The following ZBTB20 variants were observed in gnomAD, a reference collection of about 807,000 sequenced individuals.
ZBTB20 encodes the protein zinc finger and BTB domain containing 20.
A neutral mutation model predicts 56.9 loss-of-function variants in ZBTB20; 9 were observed. The ratio of observed to expected loss-of-function variants is 0.16; its 90% CI spans 0.10 to 0.28. ZBTB20 has a LOEUF of 0.28. Ranked by LOEUF, ZBTB20 falls within the 10% of genes least tolerant of loss-of-function variation. The probability of loss-of-function intolerance (pLI) is 1.00; values close to 1 mark genes in which losing one functional copy is unlikely to be tolerated. For synonymous variants in ZBTB20, 417 were observed against 420.7 expected (o/e 0.99, Z 0.11); for missense variants, 655 against 1,003.0 (o/e 0.65, Z 4.69).
Position 115,104,749 on chromosome 3 carries a change from G to A in ZBTB20, c.-702-33335C>T, listed in dbSNP as rs532574158. Among the ~76,000 whole-genome samples the A allele has an allele frequency of 3.9e-5, 6 of 152,258 alleles. No homozygotes were observed. In the East Asian group the frequency reaches 1.2e-3, roughly 29 times the overall value. ...ACAGGAAGAACACAGGATTTTCAAGGCAGTGAAACTACTTTGTATAATACA... is the reference window on the plus strand; with the variant it reads ...ACAGGAAGAACACAGGATTTTCAAGACAGTGAAACTACTTTGTATAATACA... On this transcript the variant is annotated intron_variant, in intron 1 of 11. Transcript: ENST00000675478.
In ZBTB20 at chr3:114,329,656, C is replaced by A. The variant is rs13326221; in HGVS notation, c.*9349G>T. 8.4e-6 allele frequency: 1 copy of A among 118,584 alleles called. No homozygotes were observed. 7.3% of individuals were successfully genotyped at this position (118,584 alleles called of 1,614,324 possible). ...AGATAGATATTTCCAAATTCTATTT[C>A]TATTAGCCTCTGTGGATAAAGAGTT... On this transcript the variant is annotated 3_prime_UTR_variant, in exon 12 of 12. Coordinates refer to ENST00000675478, the MANE Select transcript of ZBTB20 (RefSeq NM_001348800.3).
intron 4 of ZBTB20, among the ~76,000 whole-genome samples, chr3:114,847,106 C>T (rs930851315): frequency 5.3e-5 from 8 of 152,124 alleles, no homozygotes; most frequent in Non-Finnish European, 7.3e-5. Context: ...AGTACCACAA[C>T]CAATTAATAG....
rs367886547 is a variant in ZBTB20 at position 114,973,968 on chromosome 3, T to G, written c.-456+398A>C. Among the ~76,000 whole-genome samples, 42 of 152,100 alleles carry G rather than the reference T, an allele frequency of 2.8e-4. 1 individual carries two copies. In the East Asian group the frequency reaches 6.4e-3, roughly 23 times the overall value. The stretch of plus-strand genomic sequence containing the variant: ...TTTCTTATAGTTAATTGTAAAGCTC[T>G]TCCTCAGGAGAAATTGTTACTGACA... On this transcript the variant is annotated intron_variant, in intron 3 of 11. Coordinates refer to ENST00000675478, the MANE Select transcript of ZBTB20 (RefSeq NM_001348800.3).
At chr3:114,937,954 C>T (rs897645990) in intron 3 of ZBTB20, among the ~76,000 whole-genome samples, 4 of 151,468 alleles carry the variant, frequency 2.6e-5, no homozygotes, top group Non-Finnish European at 5.9e-5. Flanking sequence ...AAAAATTGGC[C>T]GGCCGTGGTG....
At chr3:114,581,503 G>T (rs1240610350) in intron 6 of ZBTB20, among the ~76,000 whole-genome samples, 3 of 151,932 alleles carry the variant, frequency 2.0e-5, no homozygotes, top group African/African-American at 4.8e-5. Flanking sequence ...AAAAATCTTT[G>T]TAATCTCTAT....
chr3:114,629,724 G>A (rs180697007), intron 6 of ZBTB20, among the ~76,000 whole-genome samples: 1 of 152,052 alleles, frequency 6.6e-6, no homozygotes, highest in East Asian at 1.9e-4. Flanking sequence ...ATATTCTTTG[G>A]GTATGTGTCA....
At chr3:115,005,273 C>T (rs2079416498) in intron 2 of ZBTB20, among the ~76,000 whole-genome samples, 2 of 151,504 alleles carry the variant, frequency 1.3e-5, no homozygotes, top group Non-Finnish European at 3.0e-5. Flanking sequence ...TATCTGTATA[C>T]ATTTTATCTG....
At position 114,875,616 on chromosome 3, in the gene ZBTB20, T is replaced by C. The variant is rs183219874; in HGVS notation, c.-417+24688A>G. Among the ~76,000 whole-genome samples, 443 of 152,256 alleles carry C rather than the reference T, an allele frequency of 2.9e-3. 3 individuals are homozygous for C. The highest frequency in any genetic ancestry group is 0.01 in the African/African-American group (419 of 41,550). ...GTATAGAAGCATAGAGAGAGTTATA[T>C]AGAACTATATAACCCTCCCTTGTGT... On this transcript the variant is annotated intron_variant, in intron 4 of 11. Transcript: ENST00000675478.
chr3:114,898,274 G>A, intron 4 of ZBTB20, among the ~76,000 whole-genome samples: 1 of 152,166 alleles, frequency 6.6e-6, no homozygotes, highest in South Asian at 2.1e-4. Context: ...GTATTTCCAA[G>A]GTGACAAGTA....
intron 2 of ZBTB20, among the ~76,000 whole-genome samples, chr3:115,026,867 A>G (rs2080448047): frequency 2.0e-5 from 3 of 150,822 alleles, no homozygotes; most frequent in Admixed American, 1.3e-4. Context: ...ACAATATAAA[A>G]AAAAAATCAC....
At chr3:114,717,874 A>C (rs1172194366) in intron 5 of ZBTB20, among the ~76,000 whole-genome samples, 1 of 152,102 alleles carries the variant, frequency 6.6e-6, no homozygotes, top group African/African-American at 2.4e-5. Flanking sequence ...TTCCTCCTCG[A>C]AACTGTAATA....
chr3:115,098,648 A>T (rs1576773898), intron 1 of ZBTB20, among the ~76,000 whole-genome samples: 1 of 152,312 alleles, frequency 6.6e-6, no homozygotes, highest in East Asian at 1.9e-4. Context: ...TTAATTTTTT[A>T]AAAGAAGAGG....
intron 2 of ZBTB20, among the ~76,000 whole-genome samples, chr3:114,996,974 C>G (rs541544261): frequency 7.9e-5 from 12 of 151,950 alleles, no homozygotes; most frequent in African/African-American, 2.9e-4. Context: ...ATTAAAAAGT[C>G]AGGAAACAAC....
At chr3:114,903,658 C>T (rs1050118207) in intron 3 of ZBTB20, among the ~76,000 whole-genome samples, 2 of 151,904 alleles carry the variant, frequency 1.3e-5, no homozygotes, top group African/African-American at 2.4e-5. Flanking sequence ...GCAACACTGC[C>T]GAACTTCTCT....
chr3:114,813,209 C>A (rs1448505398), intron 4 of ZBTB20, among the ~76,000 whole-genome samples: 3 of 152,252 alleles, frequency 2.0e-5, no homozygotes, highest in East Asian at 3.8e-4. Flanking sequence ...AGCACGCTGT[C>A]ACCTCTTATA....
chr3:114,740,537 C>T (rs1392906397), intron 5 of ZBTB20, among the ~76,000 whole-genome samples: 1 of 152,112 alleles, frequency 6.6e-6, no homozygotes, highest in African/African-American at 2.4e-5. Flanking sequence ...TTGATTTATA[C>T]TTCAGTATTT....
At chr3:114,434,420 T>C (rs904661441) in intron 7 of ZBTB20, among the ~76,000 whole-genome samples, 5 of 152,032 alleles carry the variant, frequency 3.3e-5, no homozygotes, top group Middle Eastern at 6.8e-3. Context: ...TAGTGGGAAA[T>C]AGAATTTGAA....
chr3:114,878,154 A>G (rs1358950199), intron 4 of ZBTB20, among the ~76,000 whole-genome samples: 1 of 152,072 alleles, frequency 6.6e-6, no homozygotes, highest in African/African-American at 2.4e-5. Flanking sequence ...AATTTCCTCT[A>G]TTATATTTGA....
At chr3:114,629,625 G>C (rs1480671685) in intron 6 of ZBTB20, among the ~76,000 whole-genome samples, 2 of 152,016 alleles carry the variant, frequency 1.3e-5, no homozygotes, top group Non-Finnish European at 2.9e-5. Flanking sequence ...CCCTAGATAA[G>C]GCACATTGTA....
Sources: gnomAD v4.1 joint callset for allele counts (sites outside exome capture counted in the v4.1 genomes callset) on GRCh38, gnomAD v4.1.1 for gene constraint, MANE v1.5 for transcripts, NCBI Gene and HGNC (gene_info 2026-07-23, HGNC 2026-07-21) for gene names.